Variants in GRM3 observed in about 807,000 individuals in gnomAD.
GRM3 encodes glutamate metabotropic receptor 3.
Under a neutral mutation model 70.5 loss-of-function variants are expected in GRM3, and 26 were observed. The observed-to-expected ratio is 0.37, with a 90% confidence interval of 0.27 to 0.51. The LOEUF (loss-of-function observed/expected upper bound fraction) is 0.51. Ranked by LOEUF, GRM3 falls within the 20% of genes least tolerant of loss-of-function variation. GRM3 has a pLI of 0.93. For synonymous variants in GRM3, 443 were observed against 434.9 expected, an observed-to-expected ratio of 1.02 and a Z score of -0.23; for missense variants, 859 against 1,123.8, an observed-to-expected ratio of 0.76 and a Z score of 3.37.
At chr7:86,665,455 T>G (rs1007162539) in intron 1 of GRM3, among the ~76,000 whole-genome samples, 2 of 152,080 alleles carry the variant, frequency 1.3e-5, no homozygotes, top group Non-Finnish European at 2.9e-5. Flanking sequence ...AAACCAAATG[T>G]GCACCTAGAG....
chr7:86,706,187 A>G (rs1471208730), intron 1 of GRM3, among the ~76,000 whole-genome samples: 1 of 152,108 alleles, frequency 6.6e-6, no homozygotes, highest in Non-Finnish European at 1.5e-5. Context: ...TATAGTTTGG[A>G]AAATTCCTTT....
intron 1 of GRM3, among the ~76,000 whole-genome samples, chr7:86,660,435 A>G (rs1344938479): frequency 3.3e-5 from 5 of 152,164 alleles, no homozygotes; most frequent in African/African-American, 9.6e-5. Flanking sequence ...TTCCCAAAAC[A>G]AACAAAGAGG....
rs1038056237 is a variant in GRM3, at chr7:86,839,613, T to C, written c.2099T>C (p.Ile700Thr). ...FICLGLILVQ[I>T]VMVSVWLILE... ...TGCCTGGGTCTGATCCTGGTGCAAATTGTGATGGTGTCTGTGTGGCTCATC... is the reference window on the plus strand; with the variant it reads ...TGCCTGGGTCTGATCCTGGTGCAAACTGTGATGGTGTCTGTGTGGCTCATC... The change falls in exon 4 of 6, where the codon ATT (isoleucine) becomes ACT (threonine). Residue 700 changes from isoleucine to threonine, a missense_variant. Physicochemically the swap from Ile to Thr is moderately conservative, Grantham distance 89. Coordinates refer to ENST00000361669, the MANE Select transcript of GRM3 (RefSeq NM_000840.3). The surrounding 1 kb of genome is among the most constrained non-coding windows in gnomAD (Gnocchi z 4.5). 5.0e-6 allele frequency: 8 copies of C among 1,613,688 alleles called. No homozygotes were observed. The highest frequency in any genetic ancestry group is 1.1e-5 in the South Asian group (1 of 91,064).
intron 5 of GRM3, among the ~76,000 whole-genome samples, chr7:86,858,707 A>G (rs1156282208): frequency 6.6e-6 from 1 of 152,226 alleles, no homozygotes; most frequent in Non-Finnish European, 1.5e-5. Flanking sequence ...TCTGTTGGTA[A>G]AGTAATGGGT....
In GRM3 at chr7:86,839,000, T is replaced by C. The variant is rs1798510728; in HGVS notation, c.1486T>C (p.Ser496Pro). The change falls in exon 4 of 6, where the codon TCT becomes CCT. Residue 496 changes from serine (S) to proline (P), a missense_variant. Transcript: ENST00000361669. ...WAETLSLDVN[S>P]IHWSRNSVPT... ...AGAAACCTTATCGCTAGATGTCAAC[T>C]CTATCCACTGGTCCCGGAACTCAGT... 2 of 1,614,030 alleles carry C rather than the reference T, an allele frequency of 1.2e-6. No homozygotes were observed. Among genetic ancestry groups the C allele is most frequent in the African/African-American group, 1.3e-5 (1 of 74,930 alleles).
Position 86,734,259 on chromosome 7 carries a change from G to A in GRM3, c.-140-30747G>A, listed in dbSNP as rs972530745. 3.2e-4 allele frequency among the ~76,000 whole-genome samples: 49 copies of A among 152,168 alleles called. 2 individuals carry two copies. The highest frequency in any genetic ancestry group is 3.2e-3 in the Admixed American group (49 of 15,274). On this transcript the variant is annotated intron_variant, in intron 1 of 5. Transcript: ENST00000361669. Reference sequence around the variant, plus strand: ...AATCAGTTAAGCATCAATATACAGTGTATATTGTTCTAAGCCATTTTGATC... The same window carrying A: ...AATCAGTTAAGCATCAATATACAGTATATATTGTTCTAAGCCATTTTGATC...
At chr7:86,861,874 A>AT (rs1339986481) in intron 5 of GRM3, among the ~76,000 whole-genome samples, 39 of 152,192 alleles carry the variant, frequency 2.6e-4, no homozygotes, top group African/African-American at 9.2e-4. Context: ...GCAACAAAAA[A>AT]GCAAGAGTGG....
chr7:86,817,789 G>A (rs911321840), intron 3 of GRM3, among the ~76,000 whole-genome samples: 3 of 151,910 alleles, frequency 2.0e-5, no homozygotes, highest in African/African-American at 7.2e-5. Flanking sequence ...CTGCCTTCAT[G>A]GAAGTTACAA....
chr7:86,802,915 A>C (rs544513456), intron 3 of GRM3, among the ~76,000 whole-genome samples: 1 of 152,296 alleles, frequency 6.6e-6, no homozygotes, highest in East Asian at 1.9e-4. Flanking sequence ...TTTTAAATGC[A>C]ATTAATACCT....
intron 1 of GRM3, among the ~76,000 whole-genome samples, chr7:86,744,611 A>G (rs372532019): frequency 6.6e-6 from 1 of 151,914 alleles, no homozygotes; most frequent in East Asian, 1.9e-4. Context: ...CATATCTACA[A>G]TGTGAGGTTA....
At chr7:86,817,040 T>C (rs1325281744) in intron 3 of GRM3, among the ~76,000 whole-genome samples, 3 of 151,768 alleles carry the variant, frequency 2.0e-5, no homozygotes, top group Non-Finnish European at 2.9e-5. Flanking sequence ...AAACAGTTGG[T>C]ATGGTAAGAG....
At chr7:86,669,377 T>C (rs1190385112) in intron 1 of GRM3, among the ~76,000 whole-genome samples, 2 of 152,218 alleles carry the variant, frequency 1.3e-5, no homozygotes, top group Non-Finnish European at 2.9e-5. Flanking sequence ...CAACAATAGT[T>C]AGCTTCTGCT....
At position 86,821,941 on chromosome 7, in the gene GRM3, CT is replaced by C. The variant is rs113685892; in HGVS notation, c.1325-16884del. Among the ~76,000 whole-genome samples the C allele has an allele frequency of 4.4e-3, 625 of 143,176 alleles. 1 individual carries two copies. The highest frequency in any genetic ancestry group is 8.4e-3 in the South Asian group (38 of 4,526). 93.9% of individuals were successfully genotyped at this position (143,176 alleles called of 152,430 possible). A position where few individuals can be genotyped will look rare whatever the true frequency, so the allele number is the denominator to read the frequency against. On this transcript the variant is annotated intron_variant, in intron 3 of 5. Coordinates refer to ENST00000361669, the MANE Select transcript of GRM3 (RefSeq NM_000840.3). ...AATAATTACATCTGGCTTAGAGCAACTTTTTTTTTTTTTTGAGAACAGATTT... is the reference window on the plus strand; with the variant it reads ...AATAATTACATCTGGCTTAGAGCAACTTTTTTTTTTTTTGAGAACAGATTT...
At chr7:86,655,339 G>A (rs1233124407) in intron 1 of GRM3, among the ~76,000 whole-genome samples, 1 of 152,156 alleles carries the variant, frequency 6.6e-6, no homozygotes, top group East Asian at 1.9e-4. Context: ...AAACATCCAT[G>A]TGGTCCTTAC....
intron 3 of GRM3, among the ~76,000 whole-genome samples, chr7:86,802,147 C>A (rs995231736): frequency 1.3e-5 from 2 of 152,034 alleles, no homozygotes; most frequent in Non-Finnish European, 2.9e-5. Flanking sequence ...GATATTATTT[C>A]CCTCTATTTT....
At chr7:86,665,386 G>A (rs116208496) in intron 1 of GRM3, among the ~76,000 whole-genome samples, 2,018 of 152,030 alleles carry the variant, frequency 0.013, 39 homozygotes, top group African/African-American at 0.046. Flanking sequence ...TAGAAGTACC[G>A]ACTAGGCTCT....
At chr7:86,683,408 C>T (rs1794488747) in intron 1 of GRM3, among the ~76,000 whole-genome samples, 2 of 152,152 alleles carry the variant, frequency 1.3e-5, no homozygotes, top group South Asian at 2.1e-4. Flanking sequence ...ATGTTGTACA[C>T]ATCAATTCAG....
chr7:86,799,920 T>C (rs1051460076), intron 3 of GRM3, among the ~76,000 whole-genome samples: 3 of 152,198 alleles, frequency 2.0e-5, no homozygotes, highest in Admixed American at 6.5e-5. Flanking sequence ...CATGTGTTTT[T>C]TGTCTTCAGT....
chr7:86,786,020 A>T lies in GRM3; in HGVS notation c.469-241A>T, dbSNP rs372369369. 1.3e-4 allele frequency: 65 copies of T among 492,908 alleles called. No individual in the cohort carries two copies. In the East Asian group the frequency reaches 2.1e-3, roughly 16 times the overall value. The allele number at this position is 492,908 out of a possible 1,614,324, so 30.5% of individuals were successfully genotyped here. A position where few individuals can be genotyped will look rare whatever the true frequency, so the allele number is the denominator to read the frequency against. On this transcript the variant is annotated intron_variant, in intron 2 of 5. Transcript: ENST00000361669. This position sits in a 1 kb window ranked among gnomAD's most constrained non-coding sequence, Gnocchi z 6.0. ...TAGAAGAGAGTGTGGTGCCCTTCTC[A>T]TTTCTCTACTCTGCCCTTTCCTGAA...
Sources: allele counts gnomAD v4.1 joint callset (sites outside exome capture counted in the v4.1 genomes callset), GRCh38; gene constraint gnomAD v4.1.1; non-coding constraint Gnocchi (gnomAD v3.1); transcripts MANE v1.5; gene names NCBI Gene and HGNC (gene_info 2026-07-23, HGNC 2026-07-21).